OPRM1: variants seen among roughly 807,000 people sequenced by gnomAD.
The protein encoded by OPRM1 is mu-type opioid receptor.
OPRM1 carries 27 observed loss-of-function variants against 31.8 expected under a neutral mutation model. The ratio of observed to expected loss-of-function variants is 0.85; its 90% CI spans 0.63 to 1.17. OPRM1 has a LOEUF of 1.17. OPRM1 is among the 50% of genes most tolerant of loss of function. OPRM1 has a pLI of 0.00. For missense variants in OPRM1, 536 were observed against 511.1 expected (o/e 1.05, Z -0.47); for synonymous variants, 196 against 189.9 (o/e 1.03, Z -0.26).
chr6:154,085,888 C>CTTTTTTTTTTTTTTTTTTTT (rs779654564), intron 1 of OPRM1, among the ~76,000 whole-genome samples: 2 of 123,974 alleles, frequency 1.6e-5, no homozygotes, highest in Non-Finnish European at 3.3e-5. Flanking sequence ...AAAGCTTGCC[C>CTTTTTTTTTTTTTTTTTTTT]TTTTTTTTTT....
At chr6:154,151,189 T>G (rs899188254) in intron 3 of OPRM1, among the ~76,000 whole-genome samples, 1 of 152,196 alleles carries the variant, frequency 6.6e-6, no homozygotes, top group African/African-American at 2.4e-5. Flanking sequence ...TCCTTTCCAG[T>G]ACTAACCGCC....
At chr6:154,110,540 C>A in intron 3 of OPRM1, 1 of 644,952 alleles carries the variant, frequency 1.6e-6, no homozygotes, top group Non-Finnish European at 2.8e-6. Flanking sequence ...CTTATGGTTG[C>A]TTAAGGGATC....
intron 3 of OPRM1, chr6:154,246,459 A>AT: frequency 9.2e-7 from 1 of 1,086,636 alleles, no homozygotes; most frequent in South Asian, 1.8e-5. Flanking sequence ...AATGGCTTCT[A>AT]TAACTTATTT....
At chr6:154,021,814 T>G (rs1778388536) in intron 1 of OPRM1, among the ~76,000 whole-genome samples, 1 of 152,188 alleles carries the variant, frequency 6.6e-6, no homozygotes, top group South Asian at 2.1e-4. Context: ...GCCACCTTGT[T>G]ATAATTGCTT....
chr6:154,233,883 C>A (rs1165391348), intron 3 of OPRM1, among the ~76,000 whole-genome samples: 1 of 152,168 alleles, frequency 6.6e-6, no homozygotes. Context: ...GACGAGCTCT[C>A]AACCAGCAAC....
intron 3 of OPRM1, chr6:154,092,006 C>T: frequency 1.1e-6 from 1 of 897,138 alleles, no homozygotes; most frequent in Non-Finnish European, 1.3e-6. Flanking sequence ...TTTTCTTAAG[C>T]TATTGGTTTG....
intron 1 of OPRM1, among the ~76,000 whole-genome samples, chr6:154,011,605 A>C (rs569360126): frequency 6.6e-6 from 1 of 152,314 alleles, no homozygotes; most frequent in South Asian, 2.1e-4. Context: ...TTTCAATTAC[A>C]TGAATGTTCA....
intron 3 of OPRM1, among the ~76,000 whole-genome samples, chr6:154,184,581 C>T (rs1469437449): frequency 6.6e-6 from 1 of 151,888 alleles, no homozygotes; most frequent in Non-Finnish European, 1.5e-5. Context: ...AAAAAATACA[C>T]TCCAAATTGT....
At chr6:154,230,942 T>C in intron 3 of OPRM1, among the ~76,000 whole-genome samples, 1 of 152,166 alleles carries the variant, frequency 6.6e-6, no homozygotes. Context: ...AGAATTGAAA[T>C]TCTTGAAATT....
At chr6:154,099,745 G>C (rs139810933) in intron 3 of OPRM1, among the ~76,000 whole-genome samples, 2,509 of 147,224 alleles carry the variant, frequency 0.017, 67 homozygotes, top group African/African-American at 0.062. Flanking sequence ...TGTAATTGTA[G>C]TTTTTAAAAA....
At position 154,128,463 on chromosome 6, in the gene OPRM1, C is replaced by T. The variant is rs1021347201; in HGVS notation, c.*9742C>T. 2.6e-5 allele frequency among the ~76,000 whole-genome samples: 4 copies of T among 152,222 alleles called. No individual in the cohort carries two copies. The highest frequency in any genetic ancestry group is 9.7e-5 in the African/African-American group (4 of 41,450). On this transcript the variant is annotated 3_prime_UTR_variant, in exon 4 of 4. Coordinates refer to ENST00000330432, the MANE Select transcript of OPRM1 (RefSeq NM_000914.5). ...CACCATAGCAAAATTCCAGTGAAGT[C>T]TAAGAACTGGGACAGTCCGTTGAGG...
chr6:154,079,382 C>A (rs1414125610), intron 1 of OPRM1, among the ~76,000 whole-genome samples: 1 of 152,178 alleles, frequency 6.6e-6, no homozygotes, highest in Non-Finnish European at 1.5e-5. Flanking sequence ...GGCACCTGCA[C>A]TGCATGGGGG....
upstream of OPRM1, among the ~76,000 whole-genome samples, chr6:154,035,333 G>A (rs1357975136): frequency 6.6e-6 from 1 of 151,976 alleles, no homozygotes; most frequent in Non-Finnish European, 1.5e-5. Flanking sequence ...TTTTTACCAT[G>A]CAAATAAAGA....
chr6:154,239,205 G>T (rs933620925), intron 3 of OPRM1, among the ~76,000 whole-genome samples: 1 of 152,048 alleles, frequency 6.6e-6, no homozygotes, highest in African/African-American at 2.4e-5. Flanking sequence ...AAATAATATT[G>T]GCAACATGAG....
intron 1 of OPRM1, among the ~76,000 whole-genome samples, chr6:154,058,428 T>C (rs1783753587): frequency 6.6e-6 from 1 of 152,226 alleles, no homozygotes; most frequent in South Asian, 2.1e-4. Context: ...GAAAGATAAT[T>C]GGTCAAAGAA....
chr6:154,188,342 A>G (rs765405550), intron 3 of OPRM1, among the ~76,000 whole-genome samples: 5 of 152,360 alleles, frequency 3.3e-5, no homozygotes, highest in South Asian at 2.1e-4. Flanking sequence ...ATTTATTATA[A>G]GATGTAAGAA....
chr6:154,135,645 G>A (rs1267172042), downstream of OPRM1, among the ~76,000 whole-genome samples: 1 of 152,156 alleles, frequency 6.6e-6, no homozygotes, highest in Non-Finnish European at 1.5e-5. Context: ...AACTTGAAAA[G>A]GCTATATAAA....
At chr6:154,082,793 G>T (rs1789471515) in intron 1 of OPRM1, among the ~76,000 whole-genome samples, 1 of 152,170 alleles carries the variant, frequency 6.6e-6, no homozygotes, top group South Asian at 2.1e-4. Context: ...TAGCTCCTGA[G>T]ATGGATGCTC....
At chr6:154,193,695 G>A (rs1456286458) in intron 3 of OPRM1, among the ~76,000 whole-genome samples, 3 of 152,164 alleles carry the variant, frequency 2.0e-5, no homozygotes, top group Non-Finnish European at 2.9e-5. Flanking sequence ...CCTCTACACC[G>A]CTAGACCACA....
Sources: allele counts gnomAD v4.1 joint callset (sites outside exome capture counted in the v4.1 genomes callset), GRCh38; gene constraint gnomAD v4.1.1; transcripts MANE v1.5; gene names NCBI Gene and HGNC (gene_info 2026-07-23, HGNC 2026-07-21).